The following MINAR2 variants were observed in gnomAD, a reference collection of about 807,000 sequenced individuals.
The protein encoded by MINAR2 is membrane integral NOTCH2 associated receptor 2.
A neutral mutation model predicts 16.1 loss-of-function variants in MINAR2; 21 were observed. The observed-to-expected ratio is 1.31, with a 90% confidence interval of 0.93 to 1.88. The LOEUF is 1.88. Among genes scored for constraint, MINAR2 ranks in the 40% most tolerant of loss-of-function variants. The pLI, the probability that MINAR2 is intolerant of heterozygous loss-of-function variation, is 0.00. For synonymous variants in MINAR2, 86 were observed against 83.0 expected (o/e 1.04, Z -0.20); for missense variants, 259 against 229.8 (o/e 1.13, Z -0.82).
chr5:129,763,845 CT>C (rs1758171126), intron 2 of MINAR2, among the ~76,000 whole-genome samples: 1 of 152,152 alleles, frequency 6.6e-6, no homozygotes, highest in South Asian at 2.1e-4. Flanking sequence ...TCATTGACCC[CT>C]GATGCTGATA....
chr5:129,765,605 TC>T lies in MINAR2; in HGVS notation c.*543del. Reference sequence around the variant, plus strand: ...TTATTTTCCTGTATTTCTGTTTAAGTCAGAAAAAAGGAAAAAGGGAAATATC... The same window carrying T: ...TTATTTTCCTGTATTTCTGTTTAAGTAGAAAAAAGGAAAAAGGGAAATATC... On this transcript the variant is annotated 3_prime_UTR_variant, in exon 3 of 3. Transcript: ENST00000564719. The T allele has an allele frequency of 6.6e-6, 1 of 152,064 alleles. No homozygotes were observed. The highest frequency in any genetic ancestry group is 2.4e-5 in the African/African-American group (1 of 41,418). The allele number at this position is 152,064 out of a possible 1,614,324, so 9.4% of individuals were successfully genotyped here.
At chr5:129,760,260 T>C in intron 1 of MINAR2, 118 bp from the exon 2 acceptor site, 1 of 736,236 alleles carries the variant, frequency 1.4e-6, no homozygotes, top group Non-Finnish European at 2.2e-6. Context: ...TCATTCATTG[T>C]CCTAATCTGT....
intron 1 of MINAR2, among the ~76,000 whole-genome samples, chr5:129,751,635 A>G (rs1036066262): frequency 2.0e-5 from 3 of 152,178 alleles, no homozygotes; most frequent in Admixed American, 6.5e-5. Context: ...ATTTGATTCT[A>G]TTATATTTAT....
chr5:129,764,436 A>G (rs1335474156), intron 2 of MINAR2, among the ~76,000 whole-genome samples: 1 of 152,204 alleles, frequency 6.6e-6, no homozygotes, highest in African/African-American at 2.4e-5. Flanking sequence ...TATTCCTGGC[A>G]TGCAGACAAA....
intron 2 of MINAR2, among the ~76,000 whole-genome samples, chr5:129,764,327 C>T (rs1318709190): frequency 2.0e-5 from 3 of 152,130 alleles, no homozygotes; most frequent in African/African-American, 7.2e-5. Context: ...CAAGGAAAAT[C>T]AGTGGGTCAA....
chr5:129,765,122 T>G lies in MINAR2; in HGVS notation c.*59T>G. 1 of 1,035,646 alleles carries G rather than the reference T, an allele frequency of 9.7e-7. No homozygotes were observed. The highest frequency in any genetic ancestry group is 1.2e-6 in the Non-Finnish European group (1 of 814,284). The allele number at this position is 1,035,646 out of a possible 1,614,324, so 64.2% of individuals were successfully genotyped here. A position where few individuals can be genotyped will look rare whatever the true frequency, so the allele number is the denominator to read the frequency against. On this transcript the variant is annotated 3_prime_UTR_variant, in exon 3 of 3. Coordinates refer to ENST00000564719, the MANE Select transcript of MINAR2 (RefSeq NM_001257308.2). ...CCTAAAAATTTTTCTGATAAACATT[T>G]GAAACCCCCCCCACCAAAATAACAA...
At position 129,748,200 on chromosome 5, in the gene MINAR2, T is replaced by G. The variant is rs1351837906; in HGVS notation, c.10T>G (p.Ser4Ala). MDL[S>A]VLPNNNHPDK... ...GTAGGTGAAGGGAGACATGGATCTC[T>G]CTGTTTTGCCAAATAACAACCATCC... is the stretch of plus-strand genomic sequence containing the variant. Residue 4 changes from serine (S) to alanine (A), a missense_variant, in exon 1 of 3, where the codon TCT (serine) becomes GCT (alanine). By Grantham distance (99) the Ser-to-Ala change is moderately conservative. Coordinates refer to ENST00000564719, the MANE Select transcript of MINAR2 (RefSeq NM_001257308.2). The G allele has an allele frequency of 3.3e-5, 51 of 1,535,044 alleles. No individual in the cohort carries two copies. Among genetic ancestry groups the G allele is most frequent in the Non-Finnish European group, 4.4e-5 (51 of 1,146,446 alleles).
chr5:129,749,894 G>A (rs1757965407), intron 1 of MINAR2, among the ~76,000 whole-genome samples: 1 of 152,168 alleles, frequency 6.6e-6, no homozygotes, highest in Non-Finnish European at 1.5e-5. Context: ...CCATTGGGTG[G>A]AAATAGTTAT....
In MINAR2 at chr5:129,749,593, G is replaced by GAAATC. The variant is rs534910465; in HGVS notation, c.165+1242_165+1243insCAAAT. Among the ~76,000 whole-genome samples, 7 of 152,228 alleles carry GAAATC rather than the reference G, an allele frequency of 4.6e-5. No homozygotes were observed. In the South Asian group the frequency reaches 1.5e-3, roughly 32 times the overall value. On this transcript the variant is annotated intron_variant, in intron 1 of 2. Transcript: ENST00000564719. ...TCTTTTTTTAAGTTTTAAATGAAAT[G>GAAATC]AAATGAAATGAAATTGCTCCTTTTT... is the stretch of plus-strand genomic sequence containing the variant.
In MINAR2 at chr5:129,760,396, G is replaced by C. The variant is rs777245512; in HGVS notation, c.184G>C (p.Ala62Pro). ...CTCTTAGAGGGAAAAGAAGAATATT[G>C]CTGCTCAACGAATTAGGGGATCCAG... ...VYSQREKKNI[A>P]AQRIRGSSAD... Residue 62 changes from alanine to proline, a missense_variant, in exon 2 of 3, where the codon GCT becomes CCT. Ala to Pro is a conservative substitution (Grantham distance 27, BLOSUM62 -1). Coordinates refer to ENST00000564719, the MANE Select transcript of MINAR2 (RefSeq NM_001257308.2). 6.5e-6 allele frequency: 10 copies of C among 1,535,544 alleles called. No individual in the cohort carries two copies. The South Asian group carries it at 1.1e-4, about 16-fold the overall frequency.
intron 2 of MINAR2, among the ~76,000 whole-genome samples, chr5:129,763,013 G>T (rs935621456): frequency 1.3e-5 from 2 of 152,150 alleles, no homozygotes; most frequent in African/African-American, 4.8e-5. Flanking sequence ...ATGTTTGAAT[G>T]CTACACTTAG....
chr5:129,750,223 G>T (rs78714201), intron 1 of MINAR2, among the ~76,000 whole-genome samples: 5,203 of 152,202 alleles, frequency 0.034, 293 homozygotes, highest in African/African-American at 0.12. Flanking sequence ...ATCCATGATT[G>T]ATATATTCAT....
chr5:129,765,050 C>CT lies in MINAR2; in HGVS notation c.566dup (p.Thr190HisfsTer12). On this transcript the variant is annotated frameshift_variant, in exon 3 of 3. Coordinates refer to ENST00000564719, the MANE Select transcript of MINAR2 (RefSeq NM_001257308.2). LOFTEE classifies it high-confidence loss of function. ...TTGGTTACCATAGTGACTATCATTA[C>CT]TTTTTTCACCTGAGGAAACTGCAAC... 1.5e-6 allele frequency: 2 copies of CT among 1,291,318 alleles called. No homozygotes were observed. Among genetic ancestry groups the CT allele is most frequent in the Non-Finnish European group, 2.0e-6 (2 of 1,016,544 alleles). The allele number at this position is 1,291,318 out of a possible 1,614,324, so 80.0% of individuals were successfully genotyped here.
chr5:129,759,741 AG>A (rs1426329764), intron 1 of MINAR2, among the ~76,000 whole-genome samples: 1 of 152,128 alleles, frequency 6.6e-6, no homozygotes, highest in Non-Finnish European at 1.5e-5. Context: ...AAGAATTTAT[AG>A]AGCTATGTAT....
Position 129,757,520 on chromosome 5 carries a change from C to T in MINAR2, c.166-2858C>T, listed in dbSNP as rs1320946656. Among the ~76,000 whole-genome samples, 3 of 151,704 alleles carry T rather than the reference C, an allele frequency of 2.0e-5. No homozygotes were observed. In the East Asian group the frequency reaches 5.8e-4, roughly 29 times the overall value. On this transcript the variant is annotated intron_variant, in intron 1 of 2. Coordinates refer to ENST00000564719, the MANE Select transcript of MINAR2 (RefSeq NM_001257308.2). ...TGTCATTGCAATAGGGAGTTTATTC[C>T]ATCTACATTTAATGTGATTATTTAT...
At chr5:129,749,358 C>G (rs1032460812) in intron 1 of MINAR2, among the ~76,000 whole-genome samples, 1 of 152,088 alleles carries the variant, frequency 6.6e-6, no homozygotes, top group Non-Finnish European at 1.5e-5. Context: ...TCCTTGGGAC[C>G]TTTATCATGA....
At chr5:129,751,269 C>G (rs767126806) in intron 1 of MINAR2, among the ~76,000 whole-genome samples, 2 of 152,020 alleles carry the variant, frequency 1.3e-5, no homozygotes, top group Non-Finnish European at 2.9e-5. Flanking sequence ...AGTGCAGTGG[C>G]ACAATCTCGG....
intron 1 of MINAR2, among the ~76,000 whole-genome samples, chr5:129,754,844 G>A (rs1277615369): frequency 3.3e-5 from 5 of 152,040 alleles, no homozygotes; most frequent in African/African-American, 1.2e-4. Context: ...ATTTACTTAT[G>A]TTTCTATTCT....
intron 1 of MINAR2, among the ~76,000 whole-genome samples, chr5:129,758,413 T>A (rs1758082854): frequency 6.6e-6 from 1 of 152,020 alleles, no homozygotes; most frequent in Non-Finnish European, 1.5e-5. Context: ...AGACATAAAT[T>A]CACATGCAGT....
Sources: gnomAD v4.1 joint callset for allele counts (sites outside exome capture counted in the v4.1 genomes callset) on GRCh38, gnomAD v4.1.1 for gene constraint, MANE v1.5 for transcripts, NCBI Gene and HGNC (gene_info 2026-07-23, HGNC 2026-07-21) for gene names.